The following REV1 variants were observed in gnomAD, a reference collection of about 807,000 sequenced individuals.
REV1 encodes REV1 DNA directed polymerase, also known as translesion synthesis protein REV1.
Under a neutral mutation model 137.4 loss-of-function variants are expected in REV1, and 42 were observed. The ratio of observed to expected loss-of-function variants is 0.31; its 90% CI spans 0.24 to 0.40. The LOEUF is 0.40. Among genes scored for constraint, REV1 ranks in the 10% least tolerant of loss-of-function variants. The pLI, the probability that REV1 is intolerant of heterozygous loss-of-function variation, is 1.00. For missense variants in REV1, 1,282 were observed against 1,490.1 expected (o/e 0.86, Z 2.30); for synonymous variants, 524 against 519.2 (o/e 1.01, Z -0.12).
intron 13 of REV1, among the ~76,000 whole-genome samples, chr2:99,412,089 C>T (rs571050368): frequency 4.0e-5 from 6 of 151,650 alleles, no homozygotes; most frequent in Admixed American, 2.6e-4. Flanking sequence ...AAAAATTAGC[C>T]GGGCGTGGTG....
chr2:99,479,144 A>G (rs889453249), intron 1 of REV1, among the ~76,000 whole-genome samples: 3 of 151,910 alleles, frequency 2.0e-5, no homozygotes, highest in Non-Finnish European at 2.9e-5. Context: ...ACTGGCCAAC[A>G]TGGTGAAATC....
rs886569999 is a variant in REV1 at position 99,460,221 on chromosome 2, C to CACA, written c.181+2274_181+2275insTGT. 2.6e-5 allele frequency among the ~76,000 whole-genome samples: 4 copies of CACA among 152,230 alleles called. No homozygotes were observed. In the East Asian group the frequency reaches 7.7e-4, roughly 29 times the overall value. Reference sequence around the variant, plus strand: ...CCTCCCGAGTAGCTGGGACTACAGGCGCACGTCACCACGCCCAGCTAATTT... The same window carrying CACA: ...CCTCCCGAGTAGCTGGGACTACAGGCACAGCACGTCACCACGCCCAGCTAATTT... On this transcript the variant is annotated intron_variant, in intron 3 of 22. Transcript: ENST00000258428.
intron 1 of REV1, among the ~76,000 whole-genome samples, chr2:99,482,851 T>C (rs1177361436): frequency 1.3e-5 from 2 of 151,902 alleles, no homozygotes; most frequent in Non-Finnish European, 2.9e-5. Context: ...ACCCCGTCTC[T>C]ACTAAAAATA....
intron 15 of REV1, 47 bp downstream of exon 15, chr2:99,407,982 A>G: frequency 8.5e-7 from 1 of 1,171,508 alleles, no homozygotes; most frequent in Non-Finnish European, 1.2e-6. Flanking sequence ...CAAAAATGAG[A>G]GATACATTAC....
At chr2:99,424,762 C>A in intron 9 of REV1, 4 of 1,303,040 alleles carry the variant, frequency 3.1e-6, no homozygotes, top group Non-Finnish European at 4.0e-6. Context: ...AAAATGTACT[C>A]ATCCTATTAC....
At chr2:99,429,706 G>A (rs1481402036) in intron 9 of REV1, 134 bp downstream of exon 9, 1 of 517,490 alleles carries the variant, frequency 1.9e-6, no homozygotes, top group Non-Finnish European at 3.2e-6. Flanking sequence ...GCATAGATGA[G>A]ATGATTAAGG....
At chr2:99,469,325 A>G (rs1458473384) in intron 1 of REV1, among the ~76,000 whole-genome samples, 2 of 152,220 alleles carry the variant, frequency 1.3e-5, no homozygotes, top group Admixed American at 1.3e-4. Flanking sequence ...AACTAAGTAC[A>G]AAATTTCTTG....
intron 6 of REV1, 126 bp from the exon 7 acceptor site, chr2:99,436,067 C>A (rs766830184): frequency 4.0e-5 from 26 of 647,746 alleles, no homozygotes; most frequent in Admixed American, 6.4e-5. Context: ...TTTTAAAAAA[C>A]CAGAATTGAG....
chr2:99,450,949 G>T (rs1047481717), intron 3 of REV1, among the ~76,000 whole-genome samples: 1 of 152,106 alleles, frequency 6.6e-6, no homozygotes, highest in African/African-American at 2.4e-5. Flanking sequence ...TAAACAAAAT[G>T]AATTCAAAAT....
intron 9 of REV1, among the ~76,000 whole-genome samples, chr2:99,429,585 C>T (rs1373602260): frequency 2.0e-5 from 3 of 151,762 alleles, no homozygotes; most frequent in East Asian, 1.9e-4. Context: ...ACAGTAAAAA[C>T]GATGATCCCC....
intron 4 of REV1, among the ~76,000 whole-genome samples, chr2:99,444,738 C>T (rs943740602): frequency 6.6e-6 from 1 of 152,178 alleles, no homozygotes; most frequent in Admixed American, 6.5e-5. Context: ...CCCCTGCTTG[C>T]CCATTTATCT....
intron 17 of REV1, among the ~76,000 whole-genome samples, chr2:99,404,901 G>A (rs1676062265): frequency 6.6e-6 from 1 of 152,134 alleles, no homozygotes; most frequent in Admixed American, 6.5e-5. Flanking sequence ...GGAAAGAAGT[G>A]TATATATACT....
At chr2:99,482,412 G>A (rs982603967) in intron 1 of REV1, among the ~76,000 whole-genome samples, 1 of 152,174 alleles carries the variant, frequency 6.6e-6, no homozygotes, top group Non-Finnish European at 1.5e-5. Context: ...TCAAACGTGA[G>A]GTGTAGTGGG....
chr2:99,404,384 G>C, intron 18 of REV1, 60 bp downstream of exon 18: 1 of 1,394,634 alleles, frequency 7.2e-7, no homozygotes, highest in East Asian at 2.4e-5. Flanking sequence ...CAGGTCCTAA[G>C]TTGGAGCAGG....
Position 99,403,686 on chromosome 2 carries a change from A to C in REV1, c.3166+9T>G. ...TTCATTTTTGTTACATGCCACTTCCAAGGCTCACCAGATGCGCTGGCTGAC... is the reference window on the plus strand; with the variant it reads ...TTCATTTTTGTTACATGCCACTTCCCAGGCTCACCAGATGCGCTGGCTGAC... On this transcript the variant is annotated intron_variant, in intron 19 of 22. Transcript: ENST00000258428. 6.2e-7 allele frequency: 1 copy of C among 1,614,144 alleles called. No individual in the cohort carries two copies. Among genetic ancestry groups the C allele is most frequent in the South Asian group, 1.1e-5 (1 of 91,088 alleles).
At chr2:99,435,631 TA>T in intron 7 of REV1, 1 of 378,190 alleles carries the variant, frequency 2.6e-6, no homozygotes, top group Non-Finnish European at 4.7e-6. Context: ...TGAAGATGAA[TA>T]TTCTTCCCTG....
At chr2:99,442,590 G>T in intron 4 of REV1, 121 bp from the exon 5 acceptor site, 1 of 913,428 alleles carries the variant, frequency 1.1e-6, no homozygotes. Context: ...TGTTTTCCTA[G>T]TTTATTCCTT....
chr2:99,446,676 GTA>G, intron 4 of REV1, among the ~76,000 whole-genome samples: 1 of 152,138 alleles, frequency 6.6e-6, no homozygotes, highest in Middle Eastern at 3.4e-3. Context: ...TGTATTTTTA[GTA>G]GAGACAGGCT....
intron 1 of REV1, among the ~76,000 whole-genome samples, chr2:99,476,527 G>A (rs559941544): frequency 6.6e-6 from 1 of 151,472 alleles, no homozygotes; most frequent in East Asian, 1.9e-4. Flanking sequence ...TTGCACTCCA[G>A]GCTGGGTGAC....
Sources: gnomAD v4.1 joint callset for allele counts (sites outside exome capture counted in the v4.1 genomes callset) on GRCh38, gnomAD v4.1.1 for gene constraint, MANE v1.5 for transcripts, NCBI Gene and HGNC (gene_info 2026-07-23, HGNC 2026-07-21) for gene names.